The following SLC45A2 variants were observed in gnomAD, a reference collection of about 807,000 sequenced individuals.
The protein encoded by SLC45A2 is membrane-associated transporter protein.
In SLC45A2, 36 loss-of-function variants were observed where a neutral mutation model predicts 45.5. The observed-to-expected ratio is 0.79, with a 90% confidence interval of 0.61 to 1.04. The LOEUF is 1.04. Ranked by LOEUF, SLC45A2 falls within the 50% of genes least tolerant of loss-of-function variation. The probability of loss-of-function intolerance (pLI) is 0.00; values close to 1 mark genes in which losing one functional copy is unlikely to be tolerated. For missense variants in SLC45A2, 719 were observed against 671.0 expected (o/e 1.07, Z -0.79); for synonymous variants, 306 against 269.3 (o/e 1.14, Z -1.33).
At chr5:33,958,019 T>G (rs1055762044) in intron 3 of SLC45A2, among the ~76,000 whole-genome samples, 2 of 152,194 alleles carry the variant, frequency 1.3e-5, no homozygotes, top group African/African-American at 4.8e-5. Context: ...GTAAAAACCT[T>G]TCAATGATTC....
Position 33,963,783 on chromosome 5 carries a change from A to T in SLC45A2, c.796T>A (p.Tyr266Asn). Reference protein sequence around the residue: ...QDPPLSSDGMYEYGSIEKVKN... With the variant: ...QDPPLSSDGMNEYGSIEKVKN... Reference sequence around the variant, plus strand: ...ACTTTCTCGATAGAACCATACTCGTACATTCCATCTGATGACAATGGAGGG... The same window carrying T: ...ACTTTCTCGATAGAACCATACTCGTTCATTCCATCTGATGACAATGGAGGG... The change falls in exon 3 of 7, where the codon TAC becomes AAC. Residue 266 changes from tyrosine to asparagine, a missense_variant. Transcript: ENST00000296589. 6.2e-7 allele frequency: 1 copy of T among 1,614,182 alleles called. No individual in the cohort carries two copies. Among genetic ancestry groups the T allele is most frequent in the African/African-American group, 1.3e-5 (1 of 75,038 alleles).
At chr5:33,946,769 G>A in intron 6 of SLC45A2, 3 of 1,130,846 alleles carry the variant, frequency 2.7e-6, no homozygotes, top group Non-Finnish European at 3.3e-6. Context: ...GACCCTTATT[G>A]TCGGTATCTA....
intron 2 of SLC45A2, among the ~76,000 whole-genome samples, chr5:33,978,117 C>T (rs1199766943): frequency 6.6e-6 from 1 of 152,114 alleles, no homozygotes; most frequent in Non-Finnish European, 1.5e-5. Context: ...CTAGTTCAGG[C>T]CATGATGAGA....
chr5:33,971,183 T>A (rs974336125), intron 2 of SLC45A2: 1 of 530,744 alleles, frequency 1.9e-6, no homozygotes, highest in Non-Finnish European at 3.9e-6. Context: ...CTAACTATCA[T>A]GAGATATTTA....
At chr5:33,956,843 G>A (rs948905805) in intron 3 of SLC45A2, among the ~76,000 whole-genome samples, 5 of 152,138 alleles carry the variant, frequency 3.3e-5, no homozygotes, top group East Asian at 3.8e-4. Context: ...TGGGCTAAAC[G>A]GCTGGTATCA....
chr5:33,958,410 C>T (rs1373227420), intron 3 of SLC45A2, among the ~76,000 whole-genome samples: 4 of 152,168 alleles, frequency 2.6e-5, no homozygotes, highest in Non-Finnish European at 5.9e-5. Flanking sequence ...CTGGAGACCT[C>T]CCAGGGCACA....
intron 5 of SLC45A2, among the ~76,000 whole-genome samples, chr5:33,950,340 C>A: frequency 6.6e-6 from 1 of 152,162 alleles, no homozygotes; most frequent in East Asian, 1.9e-4. Flanking sequence ...AAATCTTCCT[C>A]CTGGATTTTT....
chr5:33,980,157 T>C (rs966073628), intron 2 of SLC45A2, among the ~76,000 whole-genome samples: 4 of 133,638 alleles, frequency 3.0e-5, no homozygotes, highest in Non-Finnish European at 5.9e-5. Flanking sequence ...TTGGAATCTA[T>C]TCAATGAGAC....
chr5:33,947,948 T>G (rs372157312), intron 5 of SLC45A2, among the ~76,000 whole-genome samples: 10 of 152,334 alleles, frequency 6.6e-5, no homozygotes, highest in East Asian at 3.8e-4. Context: ...GACTTGCCAA[T>G]CCTTCCCAGA....
In SLC45A2 at chr5:33,966,480, C is replaced by A. The variant is rs530145890; in HGVS notation, c.563-2464G>T. Among the ~76,000 whole-genome samples, 6 of 139,164 alleles carry A rather than the reference C, an allele frequency of 4.3e-5. No homozygotes were observed. In the East Asian group the frequency reaches 1.3e-3, roughly 31 times the overall value. 91.3% of individuals were successfully genotyped at this position (139,164 alleles called of 152,430 possible). On this transcript the variant is annotated intron_variant, in intron 2 of 6. Transcript: ENST00000296589. ...ACGGAGTCTCGCTCTGTCGCCCAGG[C>A]CGGACTGCGGACTGCAGTGGCGCAA...
chr5:33,979,219 T>G (rs1430601426), intron 2 of SLC45A2, among the ~76,000 whole-genome samples: 1 of 152,234 alleles, frequency 6.6e-6, no homozygotes, highest in African/African-American at 2.4e-5. Context: ...AGATGTACAT[T>G]GGTTTGGTCT....
rs1407815442 is a variant in SLC45A2 at position 33,954,364 on chromosome 5, G to A, written c.1029C>T (p.Gly343=). The A allele has an allele frequency of 6.2e-7, 1 of 1,613,970 alleles. No homozygotes were observed. The highest frequency in any genetic ancestry group is 8.5e-7 in the Non-Finnish European group (1 of 1,179,972). Residue 343 remains glycine, a synonymous_variant, in exon 4 of 7, where the codon GGC becomes GGT. Transcript: ENST00000296589. ...SNMLFFTDFM[G]QIVYRGDPYS... is the part of the protein sequence containing the mutation. The stretch of plus-strand genomic sequence containing the variant: ...TGTGCACAGACACGTTCATTACCTG[G>A]CCCATGAAATCTGTGAAGAACAGCA...
At chr5:33,964,881 G>C (rs1355545305) in intron 2 of SLC45A2, among the ~76,000 whole-genome samples, 1 of 152,192 alleles carries the variant, frequency 6.6e-6, no homozygotes, top group Non-Finnish European at 1.5e-5. Context: ...AGTAGTAACT[G>C]TTCCTCAGAT....
At chr5:33,958,244 T>A (rs1282575076) in intron 3 of SLC45A2, among the ~76,000 whole-genome samples, 1 of 152,200 alleles carries the variant, frequency 6.6e-6, no homozygotes, top group African/African-American at 2.4e-5. Flanking sequence ...TGGTTTAAAC[T>A]TCTGAAATAA....
At chr5:33,983,847 G>T (rs539563027) in intron 1 of SLC45A2, among the ~76,000 whole-genome samples, 1 of 152,258 alleles carries the variant, frequency 6.6e-6, no homozygotes, top group South Asian at 2.1e-4. Context: ...CAGTCAATTT[G>T]ATAAGAGTAT....
At chr5:33,945,529 G>T (rs554569811) in intron 6 of SLC45A2, among the ~76,000 whole-genome samples, 1 of 149,472 alleles carries the variant, frequency 6.7e-6, no homozygotes, top group South Asian at 2.2e-4. Context: ...TATCGCTTAT[G>T]TGCTGGGCCT....
chr5:33,977,004 C>T (rs79193264), intron 2 of SLC45A2, among the ~76,000 whole-genome samples: 4 of 152,056 alleles, frequency 2.6e-5, no homozygotes, highest in East Asian at 1.9e-4. Flanking sequence ...CTGTATTTGT[C>T]GACAAGGCCT....
chr5:33,970,274 G>T (rs148700534), intron 2 of SLC45A2, among the ~76,000 whole-genome samples: 1 of 152,210 alleles, frequency 6.6e-6, no homozygotes, highest in African/African-American at 2.4e-5. Flanking sequence ...CTGGGGTTCA[G>T]GGCTTACAAA....
At chr5:33,955,688 T>C (rs930570442) in intron 3 of SLC45A2, among the ~76,000 whole-genome samples, 1 of 152,196 alleles carries the variant, frequency 6.6e-6, no homozygotes. Flanking sequence ...GTCTTCAATA[T>C]GTTAATGGAA....
Sources: allele counts gnomAD v4.1 joint callset (sites outside exome capture counted in the v4.1 genomes callset), GRCh38; gene constraint gnomAD v4.1.1; transcripts MANE v1.5; gene names NCBI Gene and HGNC (gene_info 2026-07-23, HGNC 2026-07-21).